Variants in STARD10 observed in about 807,000 individuals in gnomAD.
STARD10 encodes START domain-containing protein 10.
A neutral mutation model predicts 36.0 loss-of-function variants in STARD10; 24 were observed. The observed-to-expected ratio is 0.67, with a 90% CI of 0.48 to 0.94. The LOEUF is 0.94. Ranked by LOEUF, STARD10 falls within the 40% of genes least tolerant of loss-of-function variation. The pLI is 0.00. For missense variants in STARD10, 335 were observed against 396.6 expected (o/e 0.84, Z 1.32); for synonymous variants, 156 against 161.9 (o/e 0.96, Z 0.28).
chr11:72,759,128 G>C (rs1342672912), intron 3 of STARD10, 106 bp downstream of exon 3: 1 of 1,393,772 alleles, frequency 7.2e-7, no homozygotes, highest in Non-Finnish European at 9.8e-7. Flanking sequence ...TCTCCGAGCA[G>C]CTTGGTCATG....
chr11:72,776,795 T>C lies in STARD10; in HGVS notation c.207+4180A>G, dbSNP rs560527564. 1.1e-4 allele frequency among the ~76,000 whole-genome samples: 17 copies of C among 152,088 alleles called. No homozygotes were observed. In the South Asian group the frequency reaches 2.1e-3, roughly 19 times the overall value. On this transcript the variant is annotated intron_variant, in intron 2 of 6. Coordinates refer to ENST00000334805, the MANE Select transcript of STARD10 (RefSeq NM_006645.3). The stretch of plus-strand genomic sequence containing the variant: ...GACCCCTGAGCCATCTGGCATTTCA[T>C]AGGGTGAGAGGGTGAGGTGCTGAGG...
At chr11:72,760,848 A>G (rs967070567) in intron 2 of STARD10, among the ~76,000 whole-genome samples, 1 of 151,342 alleles carries the variant, frequency 6.6e-6, no homozygotes, top group African/African-American at 2.4e-5. Context: ...CAAGTGCCCT[A>G]TCCCCAAGAT....
Position 72,754,892 on chromosome 11 carries a change from G to C in STARD10, c.*5C>G. Reference sequence around the variant, plus strand: ...CCTGTCTCCGTCCCTGAAGCGGTGCGGCGCTCAGGTGAGCGAGGTGTCGTC... The same window carrying C: ...CCTGTCTCCGTCCCTGAAGCGGTGCCGCGCTCAGGTGAGCGAGGTGTCGTC... On this transcript the variant is annotated 3_prime_UTR_variant, in exon 7 of 7. Coordinates refer to ENST00000334805, the MANE Select transcript of STARD10 (RefSeq NM_006645.3). The C allele has an allele frequency of 6.3e-7, 1 of 1,595,828 alleles. No homozygotes were observed. Among genetic ancestry groups the C allele is most frequent in the Non-Finnish European group, 8.5e-7 (1 of 1,177,440 alleles).
intron 2 of STARD10, among the ~76,000 whole-genome samples, chr11:72,776,898 G>T (rs1858935892): frequency 1.3e-5 from 2 of 152,110 alleles, no homozygotes; most frequent in Admixed American, 1.3e-4. Flanking sequence ...AGTGAGACAG[G>T]GCTGGGAGGG....
intron 2 of STARD10, among the ~76,000 whole-genome samples, chr11:72,764,104 C>T (rs1198737325): frequency 6.6e-6 from 1 of 152,160 alleles, no homozygotes; most frequent in Non-Finnish European, 1.5e-5. Context: ...TTATCCTGGA[C>T]CATGAGTGGA....
chr11:72,788,859 C>T (rs1163873384), intron 1 of STARD10, among the ~76,000 whole-genome samples: 1 of 152,080 alleles, frequency 6.6e-6, no homozygotes, highest in East Asian at 1.9e-4. Flanking sequence ...CTGCTCCCAG[C>T]CCATTTTTTT....
Position 72,760,515 on chromosome 11 carries a change from C to T in STARD10, c.208-1134G>A, listed in dbSNP as rs531663514. Among the ~76,000 whole-genome samples the T allele has an allele frequency of 9.2e-5, 14 of 152,324 alleles. No homozygotes were observed. In the South Asian group the frequency reaches 1.0e-3, roughly 11 times the overall value. ...TGCTGGGATTACAGGCATAAGCCGCCGCGCCCAGCCTGGATTTCTTACTGT... is the reference window on the plus strand; with the variant it reads ...TGCTGGGATTACAGGCATAAGCCGCTGCGCCCAGCCTGGATTTCTTACTGT... On this transcript the variant is annotated intron_variant, in intron 2 of 6. Transcript: ENST00000334805.
rs141867759 is a variant in STARD10, at chr11:72,782,967, C to T, written c.-113-1673G>A. 1.2e-3 allele frequency among the ~76,000 whole-genome samples: 182 copies of T among 152,296 alleles called. 1 individual carries two copies. Among genetic ancestry groups the T allele is most frequent in the South Asian group, 6.0e-3 (29 of 4,820 alleles). On this transcript the variant is annotated intron_variant, in intron 1 of 6. Coordinates refer to ENST00000334805, the MANE Select transcript of STARD10 (RefSeq NM_006645.3). ...CCCACCTCCGTTCCTGTCTGTGCCC[C>T]GCTGCCTCCTCCTCTCTGGTCCTTA...
Position 72,759,327 on chromosome 11 carries a change from C to T in STARD10, c.262G>A (p.Asp88Asn). The change falls in exon 3 of 7, where the codon GAC (aspartate) becomes AAC (asparagine). Residue 88 changes from aspartate (D) to asparagine (N), a missense_variant. By Grantham distance (23) the Asp-to-Asn change is conservative. Coordinates refer to ENST00000334805, the MANE Select transcript of STARD10 (RefSeq NM_006645.3). ...TCCCATTTCTTGCGGTACTCAATGT[C>T]GTGTAGGACGTCGTAGAGTGTCTCG... ...PAETLYDVLH[D>N]IEYRKKWDSN... The T allele has an allele frequency of 2.5e-6, 4 of 1,614,082 alleles. No homozygotes were observed. The highest frequency in any genetic ancestry group is 2.2e-5 in the East Asian group (1 of 44,884).
At chr11:72,763,950 T>C (rs1858753047) in intron 2 of STARD10, among the ~76,000 whole-genome samples, 1 of 152,208 alleles carries the variant, frequency 6.6e-6, no homozygotes, top group East Asian at 1.9e-4. Context: ...TCATAGGGCC[T>C]GAAAGCAGCA....
At chr11:72,760,343 C>T (rs1315533003) in intron 2 of STARD10, among the ~76,000 whole-genome samples, 3 of 152,308 alleles carry the variant, frequency 2.0e-5, no homozygotes, top group African/African-American at 7.2e-5. Flanking sequence ...TCTCCTGCCT[C>T]AGCCTCCTGA....
chr11:72,771,933 A>G (rs1858863475), intron 2 of STARD10, among the ~76,000 whole-genome samples: 1 of 152,158 alleles, frequency 6.6e-6, no homozygotes, highest in South Asian at 2.1e-4. Flanking sequence ...GACTTCAGAC[A>G]TCAAGACAGG....
At chr11:72,760,834 T>TA (rs1472858098) in intron 2 of STARD10, among the ~76,000 whole-genome samples, 1 of 150,412 alleles carries the variant, frequency 6.6e-6, no homozygotes, top group East Asian at 1.9e-4. Context: ...TTTTTTTTTT[T>TA]ACCCAAGTGC....
At chr11:72,785,655 AC>A (rs1349691260) in intron 1 of STARD10, among the ~76,000 whole-genome samples, 1 of 150,416 alleles carries the variant, frequency 6.6e-6, no homozygotes, top group Admixed American at 6.6e-5. Context: ...CGTATTACAT[AC>A]CACACCTTCC....
chr11:72,782,318 C>T (rs931915982), intron 1 of STARD10: 1 of 151,902 alleles, frequency 6.6e-6, no homozygotes, highest in African/African-American at 2.4e-5. Context: ...GCTTGCATCC[C>T]CCACCAAGCT....
intron 6 of STARD10, 165 bp from the exon 7 acceptor site, chr11:72,755,307 T>C (rs1470602085): frequency 1.1e-4 from 14 of 129,018 alleles, no homozygotes; most frequent in Admixed American, 9.7e-4. Flanking sequence ...TTCTCCATTC[T>C]TTTTTTTTTT....
At chr11:72,767,093 A>C (rs527666807) in intron 2 of STARD10, among the ~76,000 whole-genome samples, 1 of 152,332 alleles carries the variant, frequency 6.6e-6, no homozygotes, top group Non-Finnish European at 1.5e-5. Context: ...ACTGTTAAGC[A>C]AATCACCCTT....
chr11:72,780,205 G>A (rs893642019), intron 2 of STARD10: 25 of 441,030 alleles, frequency 5.7e-5, no homozygotes, highest in African/African-American at 1.0e-4. Flanking sequence ...GGGGATATGC[G>A]TTCCCAGGGT....
At chr11:72,780,265 T>C in intron 2 of STARD10, 1 of 394,000 alleles carries the variant, frequency 2.5e-6, no homozygotes, top group Non-Finnish European at 5.3e-6. Context: ...AATTGTGGGG[T>C]TGGGAAGAGC....
Sources: gnomAD v4.1 joint callset for allele counts (sites outside exome capture counted in the v4.1 genomes callset) on GRCh38, gnomAD v4.1.1 for gene constraint, MANE v1.5 for transcripts, NCBI Gene and HGNC (gene_info 2026-07-23, HGNC 2026-07-21) for gene names.